The following SOX6 variants were observed in gnomAD, a reference collection of about 807,000 sequenced individuals.
The protein encoded by SOX6 is transcription factor SOX-6.
SOX6 carries 11 observed loss-of-function variants against 97.8 expected under a neutral mutation model. The ratio of observed to expected loss-of-function variants is 0.11; its 90% CI spans 0.07 to 0.19. SOX6 has a LOEUF of 0.19. Ranked by LOEUF, SOX6 falls within the 10% of genes least tolerant of loss-of-function variation. SOX6 has a pLI of 1.00. For missense variants in SOX6, 810 were observed against 1,039.5 expected (o/e 0.78, Z 3.04); for synonymous variants, 360 against 371.4 (o/e 0.97, Z 0.35).
intron 2 of SOX6, among the ~76,000 whole-genome samples, chr11:16,326,766 A>G (rs7101502): frequency 0.17 from 26,210 of 152,176 alleles, 2,762 homozygotes; most frequent in Admixed American, 0.29. Flanking sequence ...CCTTAATGCT[A>G]TCTGTAGGTC....
intron 3 of SOX6, among the ~76,000 whole-genome samples, chr11:16,263,439 A>T (rs1188542909): frequency 6.6e-6 from 1 of 151,986 alleles, no homozygotes; most frequent in Non-Finnish European, 1.5e-5. Flanking sequence ...TTCTATTTTA[A>T]ACTTTTGCAA....
chr11:16,419,717 T>C (rs1010414203), intron 1 of SOX6, among the ~76,000 whole-genome samples: 2 of 152,130 alleles, frequency 1.3e-5, no homozygotes, highest in Admixed American at 6.6e-5. Context: ...ATTTTTCCTA[T>C]CCATAAACTG....
In SOX6 at chr11:16,650,646, T is replaced by C. The variant is rs1268065979; in HGVS notation, n.430-38386A>G. ...AAAGCAGTGCTAAGAGAAAAGTTCA[T>C]AGTATTAAATGCCTACATCAAAAAG... On this transcript the variant is annotated intron_variant and non_coding_transcript_variant, in intron 3 of 5. Transcript: ENST00000524520. Among the ~76,000 whole-genome samples, 4 of 152,070 alleles carry C rather than the reference T, an allele frequency of 2.6e-5. No individual in the cohort carries two copies. The East Asian group carries it at 7.7e-4, about 29-fold the overall frequency.
chr11:16,306,595 T>C lies in SOX6; in HGVS notation c.445+11851A>G, dbSNP rs1188807372. On this transcript the variant is annotated intron_variant, in intron 3 of 15. Transcript: ENST00000683767. ...AGATAAAAATCTTGTCCTGAGATTGTTACATCCTCAAATTTCTTTTTTTTT... is the reference window on the plus strand; with the variant it reads ...AGATAAAAATCTTGTCCTGAGATTGCTACATCCTCAAATTTCTTTTTTTTT... Among the ~76,000 whole-genome samples, 4 of 150,810 alleles carry C rather than the reference T, an allele frequency of 2.7e-5. No homozygotes were observed. The East Asian group carries it at 7.8e-4, about 30-fold the overall frequency.
At chr11:16,129,391 T>C (rs1564970186) in intron 6 of SOX6, among the ~76,000 whole-genome samples, 1 of 152,180 alleles carries the variant, frequency 6.6e-6, no homozygotes, top group Non-Finnish European at 1.5e-5. Flanking sequence ...TGCTGTGACA[T>C]ACATTAAAAT....
chr11:16,174,036 T>C (rs1462145140), intron 6 of SOX6, among the ~76,000 whole-genome samples: 1 of 140,944 alleles, frequency 7.1e-6, no homozygotes, highest in Non-Finnish European at 1.5e-5. Context: ...CTTTGTTTCT[T>C]TTTTTTTTTT....
At chr11:16,328,072 G>T (rs1856155752) in intron 2 of SOX6, among the ~76,000 whole-genome samples, 1 of 152,042 alleles carries the variant, frequency 6.6e-6, no homozygotes, top group South Asian at 2.1e-4. Context: ...AACCTAGTCT[G>T]CCCTCCCTAT....
intron 6 of SOX6, among the ~76,000 whole-genome samples, chr11:16,146,021 CAA>C (rs1253548006): frequency 1.3e-4 from 20 of 152,112 alleles, no homozygotes; most frequent in South Asian, 2.1e-4. Flanking sequence ...CATATGGAAC[CAA>C]AAAAGAGCCC....
In SOX6 at chr11:16,522,623, C is replaced by T. The variant is rs1368676622; in HGVS notation, n.610-46235G>A. Among the ~76,000 whole-genome samples the T allele has an allele frequency of 2.0e-5, 3 of 151,890 alleles. 1 individual carries two copies. The highest frequency in any genetic ancestry group is 1.3e-4 in the Admixed American group (2 of 15,248). ...TCATAATGACACGATCAAATTCACA[C>T]ATAACAATAATAACTTTAAATGTAA... On this transcript the variant is annotated intron_variant and non_coding_transcript_variant, in intron 4 of 5. Coordinates refer to the SOX6 transcript ENST00000524520.
At chr11:16,570,171 G>T (rs1044748882) in intron 4 of SOX6, among the ~76,000 whole-genome samples, 1 of 152,102 alleles carries the variant, frequency 6.6e-6, no homozygotes, top group Non-Finnish European at 1.5e-5. Context: ...TGAAGGTACA[G>T]TCTTACCACA....
intron 6 of SOX6, among the ~76,000 whole-genome samples, chr11:16,171,999 G>T (rs1402211673): frequency 1.3e-5 from 2 of 151,524 alleles, no homozygotes; most frequent in Non-Finnish European, 2.9e-5. Flanking sequence ...CTTCAAGCAG[G>T]AGACCCAGTT....
chr11:16,460,900 C>T (rs1417572349), intron 1 of SOX6, among the ~76,000 whole-genome samples: 1 of 152,066 alleles, frequency 6.6e-6, no homozygotes, highest in East Asian at 1.9e-4. Context: ...ATCATCAAGG[C>T]CCTGCCTACA....
chr11:16,013,866 C>T (rs1365429498), intron 13 of SOX6, among the ~76,000 whole-genome samples: 2 of 151,970 alleles, frequency 1.3e-5, no homozygotes, highest in Non-Finnish European at 2.9e-5. Flanking sequence ...TCACTAAAAG[C>T]CATGCCCAGT....
intron 1 of SOX6, among the ~76,000 whole-genome samples, chr11:16,373,825 A>C (rs1308097815): frequency 8.4e-5 from 1 of 11,932 alleles, no homozygotes; most frequent in Non-Finnish European, 1.6e-4. Flanking sequence ...GGGAGAGAGG[A>C]AGGAAGGAAG....
chr11:16,524,218 A>G (rs1420471054), intron 4 of SOX6, among the ~76,000 whole-genome samples: 4 of 152,056 alleles, frequency 2.6e-5, no homozygotes, highest in East Asian at 1.9e-4. Context: ...ACATTGATGC[A>G]AAAATCCTCA....
intron 12 of SOX6, among the ~76,000 whole-genome samples, chr11:16,018,663 T>C (rs1854957502): frequency 1.3e-5 from 2 of 152,160 alleles, no homozygotes; most frequent in Non-Finnish European, 2.9e-5. Flanking sequence ...GTGCTAACAG[T>C]AAAATTGCTC....
chr11:16,477,589 G>C (rs535684668), upstream of SOX6, among the ~76,000 whole-genome samples: 7 of 152,146 alleles, frequency 4.6e-5, no homozygotes, highest in Non-Finnish European at 7.4e-5. Flanking sequence ...AGTGGCTCAC[G>C]CCTGTAATCC....
At chr11:16,089,648 A>T (rs1250504998) in intron 9 of SOX6, among the ~76,000 whole-genome samples, 4 of 152,090 alleles carry the variant, frequency 2.6e-5, no homozygotes, top group Non-Finnish European at 5.9e-5. Flanking sequence ...CTCTTCTACA[A>T]ATAAAACAGA....
intron 6 of SOX6, among the ~76,000 whole-genome samples, chr11:16,159,421 G>A (rs1430779494): frequency 6.6e-6 from 1 of 151,904 alleles, no homozygotes; most frequent in African/African-American, 2.4e-5. Context: ...AAAATAAATT[G>A]GTGTTTGGTT....
Sources: allele counts gnomAD v4.1 joint callset (sites outside exome capture counted in the v4.1 genomes callset), GRCh38; gene constraint gnomAD v4.1.1; transcripts MANE v1.5; gene names NCBI Gene and HGNC (gene_info 2026-07-23, HGNC 2026-07-21).